The following CHN2 variants were observed in gnomAD, a reference collection of about 807,000 sequenced individuals.
The protein encoded by CHN2 is chimerin 2.
Under a neutral mutation model 56.3 loss-of-function variants are expected in CHN2, and 35 were observed. That is an observed-to-expected ratio of 0.62 (90% confidence interval 0.47 to 0.82). CHN2 has a LOEUF of 0.82. Among genes scored for constraint, CHN2 ranks in the 40% least tolerant of loss-of-function variants. The pLI, the probability that CHN2 is intolerant of heterozygous loss-of-function variation, is 0.00. For missense variants in CHN2, 491 were observed against 580.5 expected (o/e 0.85, Z 1.58); for synonymous variants, 210 against 212.8 (o/e 0.99, Z 0.12).
At chr7:29,400,996 G>A (rs567109168) in intron 6 of CHN2, 168 bp downstream of exon 6, 120 of 678,668 alleles carry the variant, frequency 1.8e-4, no homozygotes, top group African/African-American at 1.6e-3. Flanking sequence ...AGCTCAGGCC[G>A]GGCGTGGTGG....
chr7:29,356,654 A>G (rs1798335910), intron 2 of CHN2, among the ~76,000 whole-genome samples: 4 of 152,186 alleles, frequency 2.6e-5, no homozygotes, highest in Admixed American at 2.6e-4. Flanking sequence ...GTCAGCACAT[A>G]CAGAGGCACC....
intron 1 of CHN2, among the ~76,000 whole-genome samples, chr7:29,201,366 C>G (rs1333562466): frequency 6.6e-6 from 1 of 152,170 alleles, no homozygotes; most frequent in Non-Finnish European, 1.5e-5. Context: ...CCACCCACTT[C>G]CTGGCTCATC....
intron 1 of CHN2, among the ~76,000 whole-genome samples, chr7:29,263,077 G>T (rs767754972): frequency 6.6e-6 from 1 of 151,820 alleles, no homozygotes; most frequent in African/African-American, 2.4e-5. Flanking sequence ...CTCTGATGCC[G>T]AGCCGAGGCT....
intron 12 of CHN2, among the ~76,000 whole-genome samples, chr7:29,511,551 T>G (rs1791403480): frequency 6.6e-6 from 1 of 152,168 alleles, no homozygotes; most frequent in Non-Finnish European, 1.5e-5. Context: ...GTGGGCACTT[T>G]GATGGTGAGA....
upstream of CHN2, chr7:29,193,417 T>G (rs1783151249): frequency 6.6e-6 from 1 of 152,244 alleles, no homozygotes; most frequent in Non-Finnish European, 1.5e-5. Context: ...TTAAATTGAC[T>G]ATGTTCTTTT....
chr7:29,175,702 A>G lies in CHN2; in HGVS notation c.274+28742A>G, dbSNP rs141543375. ...ACACAGATAAATTGATTGATAGCCA[A>G]CGGGAAGGAGAGTAGTAGAAGATAA... On this transcript the variant is annotated intron_variant, in intron 2 of 6. Transcript: ENST00000439384. Among the ~76,000 whole-genome samples the G allele has an allele frequency of 3.7e-3, 565 of 152,322 alleles. 2 individuals are homozygous for G. Among genetic ancestry groups the G allele is most frequent in the African/African-American group, 9.5e-3 (394 of 41,562 alleles).
chr7:29,323,260 G>C (rs1451463484), intron 1 of CHN2, among the ~76,000 whole-genome samples: 1 of 151,296 alleles, frequency 6.6e-6, no homozygotes, highest in African/African-American at 2.4e-5. Context: ...TGACCTTTCA[G>C]ATGTTTGAAG....
chr7:29,501,899 C>G (rs910682514), intron 9 of CHN2, among the ~76,000 whole-genome samples: 2 of 152,210 alleles, frequency 1.3e-5, no homozygotes, highest in African/African-American at 4.8e-5. Flanking sequence ...AGCCCTGTCT[C>G]TTACTGGCTG....
intron 1 of CHN2, among the ~76,000 whole-genome samples, chr7:29,246,740 C>T (rs1176961073): frequency 7.2e-5 from 11 of 152,172 alleles, no homozygotes; most frequent in African/African-American, 2.4e-4. Flanking sequence ...ATCAGGGCAC[C>T]TGCAGATTTA....
intron 1 of CHN2, among the ~76,000 whole-genome samples, chr7:29,247,722 C>G (rs1381601434): frequency 6.6e-6 from 1 of 152,252 alleles, no homozygotes; most frequent in Non-Finnish European, 1.5e-5. Flanking sequence ...TTGGTGGTAT[C>G]ACCGCCTGAT....
intron 1 of CHN2, among the ~76,000 whole-genome samples, chr7:29,351,218 A>C (rs1197850882): frequency 6.6e-6 from 1 of 152,108 alleles, no homozygotes; most frequent in African/African-American, 2.4e-5. Context: ...AGGTTCTTTA[A>C]AAAAGAAGCT....
chr7:29,392,056 T>A (rs1562570470), intron 3 of CHN2, among the ~76,000 whole-genome samples: 1 of 152,198 alleles, frequency 6.6e-6, no homozygotes, highest in Non-Finnish European at 1.5e-5. Context: ...AAACTTGTGC[T>A]ACGGTTCAGC....
chr7:29,366,940 TAGATC>T (rs1431285218), intron 2 of CHN2, among the ~76,000 whole-genome samples: 1 of 152,226 alleles, frequency 6.6e-6, no homozygotes, highest in Non-Finnish European at 1.5e-5. Flanking sequence ...GACCTAAAAA[TAGATC>T]AGAAAGTTTT....
At chr7:29,308,633 G>T (rs1378552105) in intron 1 of CHN2, among the ~76,000 whole-genome samples, 1 of 152,166 alleles carries the variant, frequency 6.6e-6, no homozygotes, top group Non-Finnish European at 1.5e-5. Context: ...GGATTGTGTG[G>T]GCTGGGCCTG....
intron 7 of CHN2, among the ~76,000 whole-genome samples, chr7:29,495,241 G>A (rs2128568157): frequency 6.6e-6 from 1 of 152,202 alleles, no homozygotes; most frequent in East Asian, 1.9e-4. Context: ...AAAATAATCA[G>A]AGATAAGACC....
intron 6 of CHN2, among the ~76,000 whole-genome samples, chr7:29,464,918 T>C (rs901844837): frequency 6.6e-6 from 1 of 152,194 alleles, no homozygotes; most frequent in Non-Finnish European, 1.5e-5. Flanking sequence ...TGGGAGGCTC[T>C]TTCCTGAGTG....
intron 6 of CHN2, among the ~76,000 whole-genome samples, chr7:29,436,826 T>A (rs1050796803): frequency 8.5e-5 from 13 of 152,192 alleles, no homozygotes; most frequent in Non-Finnish European, 1.6e-4. Context: ...TTCCTAAGTA[T>A]TGGGCTTACA....
intron 1 of CHN2, among the ~76,000 whole-genome samples, chr7:29,280,110 G>A (rs1260664133): frequency 2.6e-5 from 4 of 152,284 alleles, no homozygotes; most frequent in South Asian, 2.1e-4. Context: ...GAGGCCATGC[G>A]CGGTGGCTCA....
At chr7:29,247,966 C>T (rs962495656) in intron 1 of CHN2, among the ~76,000 whole-genome samples, 1 of 152,254 alleles carries the variant, frequency 6.6e-6, no homozygotes, top group Admixed American at 6.5e-5. Flanking sequence ...CTGCCTTGTT[C>T]AGGCAGTGAT....
Sources: allele counts gnomAD v4.1 joint callset (sites outside exome capture counted in the v4.1 genomes callset), GRCh38; gene constraint gnomAD v4.1.1; transcripts MANE v1.5; gene names NCBI Gene and HGNC (gene_info 2026-07-23, HGNC 2026-07-21).